Variants in CFAP54 observed in about 807,000 individuals in gnomAD.
CFAP54 encodes cilia and flagella associated protein 54.
CFAP54 carries 290 observed loss-of-function variants against 370.4 expected under a neutral mutation model. That is an observed-to-expected ratio of 0.78 (90% CI 0.71 to 0.86). The LOEUF (loss-of-function observed/expected upper bound fraction) is 0.86, where lower values mean the gene tolerates loss of function less well. Ranked by LOEUF, CFAP54 falls within the 40% of genes least tolerant of loss-of-function variation. CFAP54 has a pLI of 0.00. For synonymous variants in CFAP54, 1,206 were observed against 1,236.5 expected, an observed-to-expected ratio of 0.98 and a Z score of 0.52; for missense variants, 3,399 against 3,528.7, an observed-to-expected ratio of 0.96 and a Z score of 0.93.
chr12:96,757,672 G>T (rs1429009480), intron 58 of CFAP54, 84 bp downstream of exon 58: 3 of 658,600 alleles, frequency 4.6e-6, no homozygotes, highest in Non-Finnish European at 7.4e-6. Flanking sequence ...GAAATAATGA[G>T]GCTGATTTTC....
rs187301052 is a variant in CFAP54 at position 96,582,318 on chromosome 12, G to C, written c.3075+1213G>C. Among the ~76,000 whole-genome samples the C allele has an allele frequency of 3.0e-3, 461 of 152,260 alleles. 4 individuals are homozygous for C. The highest frequency in any genetic ancestry group is 0.01 in the African/African-American group (421 of 41,568). The stretch of plus-strand genomic sequence containing the variant: ...ATCAGTGAAGAGGATGCTAGGAAGA[G>C]TGACTCATTGACATAGGTCTCAAGT... On this transcript the variant is annotated intron_variant, in intron 22 of 67. Transcript: ENST00000524981.
At chr12:96,761,139 C>T (rs548752097) in intron 58 of CFAP54, among the ~76,000 whole-genome samples, 14 of 152,130 alleles carry the variant, frequency 9.2e-5, no homozygotes, top group Admixed American at 3.9e-4. Context: ...TTATTATCTA[C>T]CTTTTTGGTA....
chr12:96,646,293 GA>G (rs1216834931), intron 33 of CFAP54: 1 of 152,164 alleles, frequency 6.6e-6, no homozygotes, highest in Non-Finnish European at 1.5e-5. Flanking sequence ...TGAAGGATAT[GA>G]ACAGACATTT....
At chr12:96,644,140 T>G in intron 32 of CFAP54, 38 bp from the exon 33 acceptor site, 1 of 1,319,762 alleles carries the variant, frequency 7.6e-7, no homozygotes, top group Non-Finnish European at 1.0e-6. Context: ...TATCTGAAAG[T>G]TCTTGTGTAA....
chr12:96,821,366 C>T (rs1054039670), intron 65 of CFAP54, among the ~76,000 whole-genome samples: 4 of 152,130 alleles, frequency 2.6e-5, no homozygotes, highest in Admixed American at 2.0e-4. Flanking sequence ...TTAAGAAAGG[C>T]TTATGGCTTG....
chr12:96,802,035 C>A (rs1405798992), intron 63 of CFAP54, among the ~76,000 whole-genome samples: 1 of 152,094 alleles, frequency 6.6e-6, no homozygotes, highest in Non-Finnish European at 1.5e-5. Context: ...AGGGTCCTGC[C>A]CTCCCTGATT....
chr12:96,500,448 G>A (rs902697835), intron 1 of CFAP54, among the ~76,000 whole-genome samples: 5 of 152,110 alleles, frequency 3.3e-5, no homozygotes, highest in Non-Finnish European at 7.4e-5. Context: ...ATGGACTTTG[G>A]GTGATAATGA....
chr12:96,607,091 C>G (rs1418124944), intron 26 of CFAP54, among the ~76,000 whole-genome samples: 1 of 152,234 alleles, frequency 6.6e-6, no homozygotes, highest in Non-Finnish European at 1.5e-5. Flanking sequence ...GCTTTCTGTT[C>G]ATGGCCTGAC....
chr12:96,616,163 C>T (rs1307766788), intron 26 of CFAP54, among the ~76,000 whole-genome samples: 1 of 152,178 alleles, frequency 6.6e-6, no homozygotes, highest in African/African-American at 2.4e-5. Flanking sequence ...CACATATATA[C>T]CATGGAATAC....
intron 9 of CFAP54, among the ~76,000 whole-genome samples, chr12:96,529,914 G>A (rs943651874): frequency 1.3e-5 from 2 of 152,052 alleles, no homozygotes; most frequent in Non-Finnish European, 2.9e-5. Flanking sequence ...CCCCAATGTC[G>A]TAAATATATT....
At chr12:96,719,669 T>A (rs1438902590) in intron 49 of CFAP54, among the ~76,000 whole-genome samples, 1 of 152,240 alleles carries the variant, frequency 6.6e-6, no homozygotes, top group East Asian at 1.9e-4. Context: ...AAATTTGAGC[T>A]GCTCAATGCA....
chr12:96,682,437 A>T, intron 40 of CFAP54: 5 of 382,548 alleles, frequency 1.3e-5, no homozygotes, highest in Non-Finnish European at 1.8e-5. Context: ...GTGCCATCAC[A>T]GCTCACTGTG....
At chr12:96,829,402 T>C (rs1025044940) in intron 66 of CFAP54, among the ~76,000 whole-genome samples, 1 of 152,146 alleles carries the variant, frequency 6.6e-6, no homozygotes, top group Non-Finnish European at 1.5e-5. Flanking sequence ...AGATAAACTT[T>C]AGAATTTTTA....
chr12:96,667,868 C>T (rs1592698550), intron 39 of CFAP54, among the ~76,000 whole-genome samples: 2 of 152,128 alleles, frequency 1.3e-5, no homozygotes, highest in African/African-American at 4.8e-5. Context: ...GCTCTGTCAC[C>T]TCTTGAACAC....
intron 63 of CFAP54, among the ~76,000 whole-genome samples, chr12:96,805,522 A>G (rs1234018917): frequency 6.6e-6 from 1 of 152,086 alleles, no homozygotes; most frequent in Non-Finnish European, 1.5e-5. Flanking sequence ...TATTAAAATG[A>G]CAATAAGATG....
At chr12:96,516,889 C>T (rs950364650) in intron 5 of CFAP54, among the ~76,000 whole-genome samples, 5 of 152,114 alleles carry the variant, frequency 3.3e-5, no homozygotes, top group Non-Finnish European at 7.4e-5. Context: ...GAGGCTGCAG[C>T]GCCATCCTGT....
intron 28 of CFAP54, 55 bp from the exon 29 acceptor site, chr12:96,625,663 T>A (rs1055144811): frequency 2.7e-6 from 3 of 1,105,222 alleles, no homozygotes; most frequent in South Asian, 3.3e-5. Context: ...ACTCAAAAAA[T>A]TTGTATTTTG....
chr12:96,620,775 A>C (rs1008409141), intron 26 of CFAP54, among the ~76,000 whole-genome samples: 1 of 152,218 alleles, frequency 6.6e-6, no homozygotes, highest in Non-Finnish European at 1.5e-5. Context: ...TCTGAAGTTG[A>C]TGCTAGAGCC....
rs148039580 is a variant in CFAP54, at chr12:96,628,372, G to A, written c.4103+1433G>A. On this transcript the variant is annotated intron_variant, in intron 30 of 67. Coordinates refer to ENST00000524981, the MANE Select transcript of CFAP54 (RefSeq NM_001306084.2). ...GAGTTTAATTTATTCAATGGATGAA[G>A]GTTCTGCTGTGCGTGGAGGAGAATG... Among the ~76,000 whole-genome samples the A allele has an allele frequency of 1.5e-4, 23 of 152,320 alleles. No homozygotes were observed. The South Asian group carries it at 3.5e-3, about 23-fold the overall frequency.
Sources: gnomAD v4.1 joint callset for allele counts (sites outside exome capture counted in the v4.1 genomes callset) on GRCh38, gnomAD v4.1.1 for gene constraint, MANE v1.5 for transcripts, NCBI Gene and HGNC (gene_info 2026-07-23, HGNC 2026-07-21) for gene names.